Variants in OSBPL10 observed in about 807,000 individuals in gnomAD.
OSBPL10 encodes the protein oxysterol-binding protein-related protein 10.
OSBPL10 carries 49 observed loss-of-function variants against 81.7 expected under a neutral mutation model. The ratio of observed to expected loss-of-function variants is 0.60; its 90% confidence interval spans 0.48 to 0.76. The LOEUF is 0.76. Among genes scored for constraint, OSBPL10 ranks in the 30% least tolerant of loss-of-function variants. The probability of loss-of-function intolerance (pLI) is 0.00; values close to 1 mark genes in which losing one functional copy is unlikely to be tolerated. For missense variants in OSBPL10, 923 were observed against 987.8 expected (o/e 0.93, Z 0.88); for synonymous variants, 419 against 383.6 (o/e 1.09, Z -1.08).
chr3:31,716,107 A>G (rs3792549), intron 6 of OSBPL10, among the ~76,000 whole-genome samples: 49,905 of 152,058 alleles, frequency 0.33, 9,788 homozygotes, highest in East Asian at 0.7. Context: ...CTGTGAACTG[A>G]ATAGAAATAC....
chr3:31,710,384 C>T (rs1696212775), intron 6 of OSBPL10, among the ~76,000 whole-genome samples: 1 of 152,170 alleles, frequency 6.6e-6, no homozygotes, highest in South Asian at 2.1e-4. Flanking sequence ...AACACTCCTG[C>T]ATCTTCCTAC....
chr3:32,001,371 AAAT>A (rs1699143057), intron 2 of OSBPL10, among the ~76,000 whole-genome samples: 1 of 152,180 alleles, frequency 6.6e-6, no homozygotes. Flanking sequence ...TCTATCAATA[AAAT>A]AATAATCATA....
chr3:31,992,017 G>T (rs62244401), intron 2 of OSBPL10, among the ~76,000 whole-genome samples: 1 of 151,830 alleles, frequency 6.6e-6, no homozygotes, highest in Non-Finnish European at 1.5e-5. Flanking sequence ...GTAGTGGCAC[G>T]CACCAGTAGT....
intron 4 of OSBPL10, among the ~76,000 whole-genome samples, chr3:31,759,900 C>G (rs993192517): frequency 6.6e-6 from 1 of 152,070 alleles, no homozygotes; most frequent in African/African-American, 2.4e-5. Flanking sequence ...GCTGGAATTA[C>G]AGGCATACAC....
intron 1 of OSBPL10, chr3:32,066,620 A>G (rs1167489532): frequency 6.6e-6 from 1 of 152,268 alleles, no homozygotes; most frequent in Non-Finnish European, 1.5e-5. Context: ...TGCCGAGAGT[A>G]CCCAAGCCAA....
intron 4 of OSBPL10, among the ~76,000 whole-genome samples, chr3:31,772,657 G>A (rs981158045): frequency 6.6e-6 from 1 of 152,162 alleles, no homozygotes; most frequent in Non-Finnish European, 1.5e-5. Flanking sequence ...TCCGCATGAA[G>A]CTGAAACAAG....
rs764449060 is a variant in OSBPL10, at chr3:31,733,401, C to T, written c.951G>A (p.Leu317=). The T allele has an allele frequency of 6.2e-7, 1 of 1,614,098 alleles. No individual in the cohort carries two copies. The highest frequency in any genetic ancestry group is 8.5e-7 in the Non-Finnish European group (1 of 1,180,010). Residue 317 remains leucine (L), a synonymous_variant, in exon 6 of 12, where the codon CTG becomes CTA. Transcript: ENST00000396556. ...SQKPGASENI[L]GWHGSKSHST... The stretch of plus-strand genomic sequence containing the variant: ...AATGTGACTTGGACCCGTGCCATCC[C>T]AGGATGTTTTCTGAAATAAAGACCT...
At chr3:31,769,456 AAAC>A (rs1559456923) in intron 4 of OSBPL10, among the ~76,000 whole-genome samples, 11 of 87,182 alleles carry the variant, frequency 1.3e-4, no homozygotes, top group African/African-American at 5.0e-4. Context: ...AAAAAAAAAA[AAAC>A]AAAAAAAAAA....
intron 1 of OSBPL10, among the ~76,000 whole-genome samples, chr3:31,924,272 G>A (rs1697005339): frequency 6.6e-6 from 1 of 151,940 alleles, no homozygotes; most frequent in South Asian, 2.1e-4. Context: ...GTCTCTTACG[G>A]CATTGACTCT....
At chr3:31,786,697 A>C (rs1031444907) in intron 4 of OSBPL10, among the ~76,000 whole-genome samples, 7 of 152,218 alleles carry the variant, frequency 4.6e-5, no homozygotes, top group African/African-American at 1.7e-4. Flanking sequence ...GTGGGGACAC[A>C]AACACTCAAA....
chr3:31,813,857 G>C (rs985641085), intron 4 of OSBPL10, among the ~76,000 whole-genome samples: 2 of 152,106 alleles, frequency 1.3e-5, no homozygotes, highest in African/African-American at 4.8e-5. Context: ...AGGGCAACAT[G>C]TTGGCATTCC....
intron 2 of OSBPL10, among the ~76,000 whole-genome samples, chr3:32,002,129 G>A (rs1699155247): frequency 6.6e-6 from 1 of 152,122 alleles, no homozygotes. Context: ...CCATCTAGGG[G>A]AAAACATTAC....
At chr3:31,800,003 C>G (rs907362352) in intron 4 of OSBPL10, among the ~76,000 whole-genome samples, 1 of 152,308 alleles carries the variant, frequency 6.6e-6, no homozygotes, top group Non-Finnish European at 1.5e-5. Context: ...CCACCACGCC[C>G]GGCCCCAAAG....
At chr3:32,012,657 C>A (rs1285791699) in intron 2 of OSBPL10, among the ~76,000 whole-genome samples, 2 of 152,062 alleles carry the variant, frequency 1.3e-5, no homozygotes, top group Non-Finnish European at 2.9e-5. Flanking sequence ...CAAATTGGAT[C>A]AAGAGTCAAG....
chr3:32,054,677 G>T (rs1010513739), intron 1 of OSBPL10, among the ~76,000 whole-genome samples: 1 of 151,636 alleles, frequency 6.6e-6, no homozygotes, highest in African/African-American at 2.4e-5. Context: ...GATTACGGGG[G>T]CGGGCCACTA....
At chr3:31,863,977 G>A (rs1391054691) in intron 3 of OSBPL10, among the ~76,000 whole-genome samples, 7 of 152,188 alleles carry the variant, frequency 4.6e-5, no homozygotes, top group Admixed American at 3.9e-4. Context: ...GAAGGAAGAA[G>A]CAGCGTTGAT....
intron 6 of OSBPL10, among the ~76,000 whole-genome samples, chr3:31,709,659 T>A (rs1263140298): frequency 6.6e-6 from 1 of 151,930 alleles, no homozygotes; most frequent in Non-Finnish European, 1.5e-5. Context: ...CAGCGGCAAA[T>A]GAAGGGGTAG....
At chr3:31,847,501 C>T (rs918967480) in intron 3 of OSBPL10, among the ~76,000 whole-genome samples, 1 of 152,082 alleles carries the variant, frequency 6.6e-6, no homozygotes, top group African/African-American at 2.4e-5. Context: ...TTACTTCTCT[C>T]ACTGTGGTAG....
chr3:31,889,998 G>C (rs1002539016), intron 1 of OSBPL10, among the ~76,000 whole-genome samples: 5 of 151,880 alleles, frequency 3.3e-5, no homozygotes, highest in Non-Finnish European at 7.4e-5. Flanking sequence ...TTCTCAATCA[G>C]TTGAAAAGCT....
Sources: gnomAD v4.1 joint callset for allele counts (sites outside exome capture counted in the v4.1 genomes callset) on GRCh38, gnomAD v4.1.1 for gene constraint, MANE v1.5 for transcripts, NCBI Gene and HGNC (gene_info 2026-07-23, HGNC 2026-07-21) for gene names.